Variants in CCSER1 observed in about 807,000 individuals in gnomAD.
CCSER1 encodes the protein coiled-coil serine rich protein 1, also known as serine-rich coiled-coil domain-containing protein 1.
A neutral mutation model predicts 82.0 loss-of-function variants in CCSER1; 41 were observed. That is an observed-to-expected ratio of 0.50 (90% CI 0.39 to 0.65). The LOEUF (loss-of-function observed/expected upper bound fraction) is 0.65, where lower values mean the gene tolerates loss of function less well. Ranked by LOEUF, CCSER1 falls within the 30% of genes least tolerant of loss-of-function variation. The pLI is 0.00. For synonymous variants in CCSER1, 414 were observed against 383.9 expected (o/e 1.08, Z -0.92); for missense variants, 1,119 against 1,064.2 (o/e 1.05, Z -0.72).
intron 6 of CCSER1, among the ~76,000 whole-genome samples, chr4:90,653,751 G>A (rs182660457): frequency 6.6e-6 from 1 of 152,000 alleles, no homozygotes; most frequent in East Asian, 1.9e-4. Context: ...AACTATGCAC[G>A]TCTACAAAAA....
chr4:90,801,132 A>G (rs914300634), intron 7 of CCSER1, among the ~76,000 whole-genome samples: 2 of 152,212 alleles, frequency 1.3e-5, no homozygotes, highest in African/African-American at 2.4e-5. Flanking sequence ...TTGACATCTT[A>G]ACAAATTTAT....
intron 10 of CCSER1, among the ~76,000 whole-genome samples, chr4:91,372,315 T>C (rs1477272575): frequency 6.6e-6 from 1 of 152,136 alleles, no homozygotes; most frequent in Admixed American, 6.6e-5. Context: ...TAACCATACA[T>C]AGGATAATCT....
At chr4:90,823,625 A>T (rs543535271) in intron 8 of CCSER1, among the ~76,000 whole-genome samples, 1 of 152,216 alleles carries the variant, frequency 6.6e-6, no homozygotes, top group African/African-American at 2.4e-5. Context: ...GATTCAAAAC[A>T]AAAGAATAGT....
chr4:91,118,972 AT>A (rs1726860241), intron 10 of CCSER1, among the ~76,000 whole-genome samples: 1 of 152,182 alleles, frequency 6.6e-6, no homozygotes, highest in Non-Finnish European at 1.5e-5. Flanking sequence ...TTCTCAGTGA[AT>A]GTGCAAGTTA....
At chr4:90,688,387 A>C (rs1286490045) in intron 6 of CCSER1, among the ~76,000 whole-genome samples, 1 of 152,088 alleles carries the variant, frequency 6.6e-6, no homozygotes, top group Non-Finnish European at 1.5e-5. Flanking sequence ...CTGTACACTA[A>C]ATTTCTGTAA....
At chr4:90,301,951 C>T (rs895946030) in intron 1 of CCSER1, among the ~76,000 whole-genome samples, 2 of 151,984 alleles carry the variant, frequency 1.3e-5, no homozygotes, top group Non-Finnish European at 2.9e-5. Context: ...ATTATTTTTT[C>T]ATGTTTTCAA....
At chr4:90,531,739 G>C (rs1774557230) in intron 5 of CCSER1, among the ~76,000 whole-genome samples, 1 of 152,070 alleles carries the variant, frequency 6.6e-6, no homozygotes, top group Non-Finnish European at 1.5e-5. Flanking sequence ...AAAATTCTGT[G>C]AAAAACTGGT....
chr4:90,342,984 T>C (rs1264368301), intron 3 of CCSER1, among the ~76,000 whole-genome samples: 3 of 152,180 alleles, frequency 2.0e-5, no homozygotes, highest in Non-Finnish European at 4.4e-5. Flanking sequence ...CAGATATTGA[T>C]TCTGGGTGCC....
intron 5 of CCSER1, among the ~76,000 whole-genome samples, chr4:90,485,075 C>G (rs562008328): frequency 6.6e-6 from 1 of 152,328 alleles, no homozygotes; most frequent in Non-Finnish European, 1.5e-5. Context: ...TGAGCAATGG[C>G]GGGCGCCCCT....
At position 91,496,621 on chromosome 4, in the gene CCSER1, T is replaced by TATATATATATATTCA. The variant is rs1560716360; in HGVS notation, c.2218-101945_2218-101944insATATATTCAATATAT. ...ATATTTGAATATATATATACACGAA[T>TATATATATATATTCA]ATATATTTGAATATATATATATTCA... On this transcript the variant is annotated intron_variant, in intron 10 of 10. Coordinates refer to ENST00000509176, the MANE Select transcript of CCSER1 (RefSeq NM_001145065.2). 6.1e-4 allele frequency among the ~76,000 whole-genome samples: 9 copies of TATATATATATATTCA among 14,678 alleles called. 4 individuals are homozygous for TATATATATATATTCA. The highest frequency in any genetic ancestry group is 2.0e-3 in the Non-Finnish European group (9 of 4,512). The allele number at this position is 14,678 out of a possible 152,430, so 9.6% of individuals were successfully genotyped here.
chr4:90,271,850 A>ATATATATATATG (rs1726460494), intron 1 of CCSER1, among the ~76,000 whole-genome samples: 2 of 23,124 alleles, frequency 8.6e-5, no homozygotes, highest in African/African-American at 9.5e-4. Flanking sequence ...ATATATATAT[A>ATATATATATATG]TATATATATA....
chr4:90,487,686 A>C (rs1237665400), intron 5 of CCSER1, among the ~76,000 whole-genome samples: 1 of 152,142 alleles, frequency 6.6e-6, no homozygotes. Flanking sequence ...TTGTTCTGTC[A>C]CTAGGCTGGA....
chr4:91,189,912 T>A (rs1734862979), intron 10 of CCSER1, among the ~76,000 whole-genome samples: 1 of 152,218 alleles, frequency 6.6e-6, no homozygotes, highest in Non-Finnish European at 1.5e-5. Flanking sequence ...ACAGTGAGTA[T>A]TTCTTATAGC....
At chr4:91,035,952 A>G (rs931909999) in intron 9 of CCSER1, among the ~76,000 whole-genome samples, 4 of 152,200 alleles carry the variant, frequency 2.6e-5, no homozygotes, top group Admixed American at 2.6e-4. Context: ...TTGGCTGGCT[A>G]TTCTAGTAGT....
intron 5 of CCSER1, among the ~76,000 whole-genome samples, chr4:90,627,437 A>G (rs1723495214): frequency 6.6e-6 from 1 of 151,844 alleles, no homozygotes; most frequent in Non-Finnish European, 1.5e-5. Context: ...GTAAGAAAAT[A>G]ATATAATTCA....
chr4:90,401,693 C>A (rs904676072), intron 4 of CCSER1, among the ~76,000 whole-genome samples: 1 of 151,984 alleles, frequency 6.6e-6, no homozygotes, highest in Non-Finnish European at 1.5e-5. Context: ...GCCACCACAT[C>A]CAATTTTTGT....
intron 10 of CCSER1, among the ~76,000 whole-genome samples, chr4:91,112,149 T>C (rs1398380224): frequency 6.6e-6 from 1 of 152,118 alleles, no homozygotes; most frequent in Non-Finnish European, 1.5e-5. Flanking sequence ...TCCAAAGCCA[T>C]GTTTGTGGTC....
rs531756861 is a variant in CCSER1 at position 90,170,268 on chromosome 4, G to C, written c.-42+42437G>C. Reference sequence around the variant, plus strand: ...TTAGAAATTAGATTTCTATAGAAATGGTACTTGGGCATCCAAACAGATTCA... The same window carrying C: ...TTAGAAATTAGATTTCTATAGAAATCGTACTTGGGCATCCAAACAGATTCA... On this transcript the variant is annotated intron_variant, in intron 1 of 10. Coordinates refer to ENST00000509176, the MANE Select transcript of CCSER1 (RefSeq NM_001145065.2). 1.7e-4 allele frequency among the ~76,000 whole-genome samples: 26 copies of C among 151,994 alleles called. 1 individual carries two copies. Among genetic ancestry groups the C allele is most frequent in the African/African-American group, 6.0e-4 (25 of 41,498 alleles).
intron 3 of CCSER1, among the ~76,000 whole-genome samples, chr4:90,382,052 T>G (rs1480847758): frequency 6.6e-6 from 1 of 152,050 alleles, no homozygotes; most frequent in Non-Finnish European, 1.5e-5. Flanking sequence ...CAGGAAACAA[T>G]ATTTCAATTT....
Sources: gnomAD v4.1 joint callset for allele counts (sites outside exome capture counted in the v4.1 genomes callset) on GRCh38, gnomAD v4.1.1 for gene constraint, MANE v1.5 for transcripts, NCBI Gene and HGNC (gene_info 2026-07-23, HGNC 2026-07-21) for gene names.